CCNK: variants seen among roughly 807,000 people sequenced by gnomAD.
The protein encoded by CCNK is cyclin K.
Under a neutral mutation model 65.0 loss-of-function variants are expected in CCNK, and 9 were observed. The observed-to-expected ratio is 0.14, with a 90% confidence interval of 0.08 to 0.24. The LOEUF (loss-of-function observed/expected upper bound fraction) is 0.24. Ranked by LOEUF, CCNK falls within the 10% of genes least tolerant of loss-of-function variation. The probability of loss-of-function intolerance (pLI) is 1.00; values close to 1 mark genes in which losing one functional copy is unlikely to be tolerated. For synonymous variants in CCNK, 279 were observed against 270.8 expected (o/e 1.03, Z -0.30); for missense variants, 474 against 720.0 (o/e 0.66, Z 3.91).
intron 1 of CCNK, 26 bp from the exon 2 acceptor site, chr14:99,492,600 C>T: frequency 7.9e-7 from 1 of 1,259,656 alleles, no homozygotes; most frequent in Non-Finnish European, 1.1e-6. Flanking sequence ...TATTCCTTTC[C>T]AACTTTGTTT....
chr14:99,499,451 A>G (rs1224782157), intron 4 of CCNK, among the ~76,000 whole-genome samples: 1 of 152,208 alleles, frequency 6.6e-6, no homozygotes, highest in African/African-American at 2.4e-5. Flanking sequence ...TTGGAATAAT[A>G]ATTATAGAAT....
chr14:99,487,686 G>A (rs200009266), intron 1 of CCNK, among the ~76,000 whole-genome samples: 2 of 152,200 alleles, frequency 1.3e-5, no homozygotes, highest in South Asian at 2.1e-4. Context: ...ATCTTTGGGA[G>A]GATAGTCACT....
intron 4 of CCNK, among the ~76,000 whole-genome samples, chr14:99,499,033 A>C (rs1896762227): frequency 6.6e-6 from 1 of 152,168 alleles, no homozygotes. Flanking sequence ...ATTCAAAGAA[A>C]AAAATTGTTT....
At position 99,510,879 on chromosome 14, in the gene CCNK, G is replaced by GCAC; in HGVS notation, c.*98_*100dup. The GCAC allele has an allele frequency of 9.4e-7, 1 of 1,067,806 alleles. No homozygotes were observed. The highest frequency in any genetic ancestry group is 1.6e-5 in the African/African-American group (1 of 60,988). 66.1% of individuals were successfully genotyped at this position (1,067,806 alleles called of 1,614,324 possible). A position where few individuals can be genotyped will look rare whatever the true frequency, so the allele number is the denominator to read the frequency against. On this transcript the variant is annotated 3_prime_UTR_variant, in exon 11 of 11. Coordinates refer to ENST00000389879, the MANE Select transcript of CCNK (RefSeq NM_001099402.2). ...TAAGCAGCAGGGTACCTTGTATAAT[G>GCAC]CACGACAGTTGCAGTATGGGAAGAA...
chr14:99,495,769 T>C (rs1397641519), intron 4 of CCNK, 140 bp downstream of exon 4: 7 of 665,574 alleles, frequency 1.1e-5, no homozygotes, highest in Admixed American at 6.0e-5. Flanking sequence ...TAGAAGTTAC[T>C]TGATGCTTTT....
chr14:99,503,458 G>A, intron 8 of CCNK, 153 bp from the exon 9 acceptor site: 1 of 637,100 alleles, frequency 1.6e-6, no homozygotes, highest in South Asian at 1.9e-5. Flanking sequence ...TAGGTGCCGT[G>A]GTTTGCCCTG....
intron 1 of CCNK, among the ~76,000 whole-genome samples, chr14:99,481,864 C>G (rs1174279252): frequency 3.3e-5 from 5 of 152,246 alleles, no homozygotes; most frequent in African/African-American, 1.2e-4. Flanking sequence ...TTAGTCCCAA[C>G]CTTGGCTAGG....
chr14:99,506,647 GAT>G (rs3918110), intron 9 of CCNK: 2,285 of 166,628 alleles, frequency 0.014, 22 homozygotes, highest in Non-Finnish European at 0.018. Context: ...AGAATGAAAA[GAT>G]AGAGATTCTC....
intron 10 of CCNK, chr14:99,507,653 T>C (rs1302177673): frequency 6.3e-6 from 1 of 157,580 alleles, no homozygotes; most frequent in Non-Finnish European, 1.4e-5. Flanking sequence ...CCAGAAATGC[T>C]AAACTACACA....
rs148239455 is a variant in CCNK at position 99,495,472 on chromosome 14, A to G, written c.280-26A>G. On this transcript the variant is annotated intron_variant, in intron 3 of 10. Coordinates refer to ENST00000389879, the MANE Select transcript of CCNK (RefSeq NM_001099402.2). ...TTCTGTGTGACCTTTGATAACAAAA[A>G]TCAAGAACTTTTGTTTCCCTTTTAG... 1,014 of 1,593,182 alleles carry G rather than the reference A, an allele frequency of 6.4e-4. 8 individuals are homozygous for G. The Middle Eastern group carries it at 0.019, about 29-fold the overall frequency.
chr14:99,482,893 T>C (rs532796606), intron 1 of CCNK, among the ~76,000 whole-genome samples: 9 of 152,342 alleles, frequency 5.9e-5, no homozygotes, highest in African/African-American at 1.9e-4. Flanking sequence ...GACAGTGTTT[T>C]CTGCTTGTTT....
At chr14:99,502,427 T>G in intron 7 of CCNK, 51 bp downstream of exon 7, 1 of 1,589,618 alleles carries the variant, frequency 6.3e-7, no homozygotes, top group Middle Eastern at 1.7e-4. Flanking sequence ...TTGAGATGAT[T>G]CTTCCATGTG....
Position 99,507,316 on chromosome 14 carries a change from T to G in CCNK, c.1117+169T>G, listed in dbSNP as rs1040808261. On this transcript the variant is annotated intron_variant, in intron 10 of 10. Transcript: ENST00000389879. The stretch of plus-strand genomic sequence containing the variant: ...CTTGGGCTGGGCACAATGGCTTGTG[T>G]TTTTGATCCCAGCACTTTGGGAGGC... 1.6e-5 allele frequency: 10 copies of G among 629,680 alleles called. No individual in the cohort carries two copies. In the South Asian group the frequency reaches 1.8e-4, roughly 11 times the overall value. The allele number at this position is 629,680 out of a possible 1,614,324, so 39.0% of individuals were successfully genotyped here.
Position 99,502,393 on chromosome 14 carries a change from G to T in CCNK, c.745+17G>T, listed in dbSNP as rs1334658359. ...TTTTGGAAGGTACCAGGCATGCTAA[G>T]CGTTCTCGTGAGGGTGTTCCATGTT... On this transcript the variant is annotated intron_variant, in intron 7 of 10. Transcript: ENST00000389879. 7 of 1,611,076 alleles carry T rather than the reference G, an allele frequency of 4.3e-6. No homozygotes were observed. The highest frequency in any genetic ancestry group is 2.7e-5 in the African/African-American group (2 of 74,844).
intron 1 of CCNK, among the ~76,000 whole-genome samples, chr14:99,485,107 G>A (rs1409708951): frequency 2.6e-5 from 4 of 152,180 alleles, no homozygotes; most frequent in Non-Finnish European, 2.9e-5. Context: ...GGAGTTCTAC[G>A]ATTTTGAGGA....
intron 1 of CCNK, among the ~76,000 whole-genome samples, chr14:99,491,247 C>T (rs955411444): frequency 7.2e-5 from 11 of 152,114 alleles, no homozygotes; most frequent in East Asian, 1.9e-4. Context: ...TTTTCAGAGT[C>T]GATTCCCAGC....
chr14:99,502,892 C>CCCCAGCAACCAG lies in CCNK; in HGVS notation c.927_938dup (p.Pro310_Gln313dup). 1.4e-5 allele frequency: 22 copies of CCCCAGCAACCAG among 1,613,588 alleles called. No individual in the cohort carries two copies. Among genetic ancestry groups the CCCCAGCAACCAG allele is most frequent in the Non-Finnish European group, 1.9e-5 (22 of 1,179,696 alleles). ...ACCATCCCAGCCCCAGCAGAAGGAC[C>CCCCAGCAACCAG]CCCAGCAACCAGCCCAGCAGCAGCA... is the stretch of plus-strand genomic sequence containing the variant. On this transcript the variant is annotated inframe_insertion, in exon 8 of 11. Transcript: ENST00000389879.
chr14:99,496,055 G>A (rs955708545), intron 4 of CCNK, among the ~76,000 whole-genome samples: 1 of 152,122 alleles, frequency 6.6e-6, no homozygotes, highest in African/African-American at 2.4e-5. Flanking sequence ...ATGTTGGAAG[G>A]TATCAACATT....
rs866281533 is a variant in CCNK at position 99,491,393 on chromosome 14, C to T, written c.-52-1233C>T. 4.6e-5 allele frequency among the ~76,000 whole-genome samples: 7 copies of T among 152,186 alleles called. No homozygotes were observed. The South Asian group carries it at 1.4e-3, about 31-fold the overall frequency. ...ACCTGCTTCTCTATAGCTTTGCCAA[C>T]AGAGCAAATTGTCAAACTTTGGGAT... On this transcript the variant is annotated intron_variant, in intron 1 of 10. Transcript: ENST00000389879.
Sources: allele counts gnomAD v4.1 joint callset (sites outside exome capture counted in the v4.1 genomes callset), GRCh38; gene constraint gnomAD v4.1.1; transcripts MANE v1.5; gene names NCBI Gene and HGNC (gene_info 2026-07-23, HGNC 2026-07-21).